Variants in CAMK4 observed in about 807,000 individuals in gnomAD.
CAMK4 encodes calcium/calmodulin-dependent protein kinase type IV.
In CAMK4, 22 loss-of-function variants were observed where a neutral mutation model predicts 44.9. That is an observed-to-expected ratio of 0.49 (90% confidence interval 0.35 to 0.70). The LOEUF is 0.70. Among genes scored for constraint, CAMK4 ranks in the 30% least tolerant of loss-of-function variants. The pLI is 0.01. For missense variants in CAMK4, 498 were observed against 586.8 expected (o/e 0.85, Z 1.56); for synonymous variants, 218 against 215.4 (o/e 1.01, Z -0.11).
At chr5:111,322,920 T>G (rs1748721621) in intron 1 of CAMK4, among the ~76,000 whole-genome samples, 1 of 151,998 alleles carries the variant, frequency 6.6e-6, no homozygotes, top group Non-Finnish European at 1.5e-5. Context: ...AATAGTGAAC[T>G]TGAAGACAAA....
intron 1 of CAMK4, among the ~76,000 whole-genome samples, chr5:111,288,347 A>T (rs973029270): frequency 6.6e-6 from 1 of 152,222 alleles, no homozygotes; most frequent in Non-Finnish European, 1.5e-5. Context: ...ATTGGTGCTC[A>T]TAGGGATGCA....
intron 1 of CAMK4, among the ~76,000 whole-genome samples, chr5:111,278,610 A>G (rs932849006): frequency 3.9e-5 from 6 of 152,236 alleles, no homozygotes; most frequent in Admixed American, 3.3e-4. Flanking sequence ...TGTGCAGTTC[A>G]AAAGTACCAG....
intron 1 of CAMK4, among the ~76,000 whole-genome samples, chr5:111,288,440 T>G (rs1484015739): frequency 6.6e-6 from 1 of 152,106 alleles, no homozygotes; most frequent in Non-Finnish European, 1.5e-5. Flanking sequence ...TGTATGAGAG[T>G]CTCCATTACC....
At chr5:111,441,494 G>T (rs1033350841) in intron 5 of CAMK4, among the ~76,000 whole-genome samples, 1 of 151,942 alleles carries the variant, frequency 6.6e-6, no homozygotes, top group Non-Finnish European at 1.5e-5. Context: ...TTTATTAAAG[G>T]TTAGCATTTG....
Position 111,394,730 on chromosome 5 carries a change from ACAGT to A in CAMK4, c.408_411del (p.Tyr136Ter). ...TCCAGGATTGTGGAAAAGGGATATTACAGTGAGCGAGATGCTGCAGATGCCGTTA... is the reference window on the plus strand; with the variant it reads ...TCCAGGATTGTGGAAAAGGGATATTAGAGCGAGATGCTGCAGATGCCGTTA... On this transcript the variant is annotated frameshift_variant, in exon 5 of 11. Coordinates refer to ENST00000282356, the MANE Select transcript of CAMK4 (RefSeq NM_001744.6). LOFTEE classifies it high-confidence loss of function. 6.2e-7 allele frequency: 1 copy of A among 1,612,766 alleles called. No homozygotes were observed. The highest frequency in any genetic ancestry group is 8.5e-7 in the Non-Finnish European group (1 of 1,179,018).
chr5:111,260,571 T>G (rs1488324183), intron 1 of CAMK4, among the ~76,000 whole-genome samples: 1 of 152,174 alleles, frequency 6.6e-6, no homozygotes, highest in East Asian at 1.9e-4. Context: ...TCCCTAGCTT[T>G]CTTCTGAGCT....
chr5:111,291,155 C>T (rs943716626), intron 1 of CAMK4, among the ~76,000 whole-genome samples: 2 of 151,900 alleles, frequency 1.3e-5, no homozygotes, highest in Non-Finnish European at 2.9e-5. Flanking sequence ...ATTATGTGTT[C>T]GAAAAATAAT....
chr5:111,249,958 A>G (rs1228166746), intron 1 of CAMK4, among the ~76,000 whole-genome samples: 4 of 152,080 alleles, frequency 2.6e-5, no homozygotes, highest in Non-Finnish European at 5.9e-5. Flanking sequence ...AATTCTCACA[A>G]TAACCTGCTA....
chr5:111,344,325 A>C (rs1452318000), intron 2 of CAMK4, among the ~76,000 whole-genome samples: 1 of 151,682 alleles, frequency 6.6e-6, no homozygotes, highest in Admixed American at 6.6e-5. Context: ...TGGGGAGAAG[A>C]TTGGCAAGGA....
At chr5:111,267,529 C>A (rs2112574372) in intron 1 of CAMK4, among the ~76,000 whole-genome samples, 1 of 151,822 alleles carries the variant, frequency 6.6e-6, no homozygotes, top group East Asian at 1.9e-4. Context: ...ACGGTGAAAC[C>A]CCGTCTCTAC....
chr5:111,281,377 C>G lies in CAMK4; in HGVS notation c.161+56733C>G, dbSNP rs138425264. 2.0e-5 allele frequency among the ~76,000 whole-genome samples: 3 copies of G among 152,282 alleles called. No individual in the cohort carries two copies. The East Asian group carries it at 5.8e-4, about 29-fold the overall frequency. ...AGAATAATGTTTTTCTTGCAACCCA[C>G]TTGTAAGTGATATAGTACATGGAAT... On this transcript the variant is annotated intron_variant, in intron 1 of 10. Transcript: ENST00000282356.
At chr5:111,446,576 C>A (rs3797739) in intron 5 of CAMK4, 110 bp from the exon 6 acceptor site, 462,630 of 625,856 alleles carry the variant, frequency 0.74, 174,892 homozygotes, top group Non-Finnish European at 0.8. Context: ...TTAAGTCATA[C>A]TATGTGTGTT....
intron 9 of CAMK4, among the ~76,000 whole-genome samples, chr5:111,481,278 A>C (rs536588322): frequency 2.8e-4 from 43 of 152,316 alleles, no homozygotes; most frequent in African/African-American, 1.0e-3. Context: ...AAATGTTGTA[A>C]GGATTAGGGC....
In CAMK4 at chr5:111,494,746, G is replaced by C. The variant is rs1158117821; in HGVS notation, c.*10280G>C. 6.6e-6 allele frequency: 1 copy of C among 152,128 alleles called. No homozygotes were observed. Among genetic ancestry groups the C allele is most frequent in the Non-Finnish European group, 1.5e-5 (1 of 68,014 alleles). The allele number at this position is 152,128 out of a possible 1,614,324, so 9.4% of individuals were successfully genotyped here. A position where few individuals can be genotyped will look rare whatever the true frequency, so the allele number is the denominator to read the frequency against. On this transcript the variant is annotated 3_prime_UTR_variant, in exon 11 of 11. Transcript: ENST00000282356. ...AAGACTAATTGTAGAAATTTGACCTGAGGGCCAATGTTACTTGGTGTAAGT... is the reference window on the plus strand; with the variant it reads ...AAGACTAATTGTAGAAATTTGACCTCAGGGCCAATGTTACTTGGTGTAAGT...
chr5:111,386,901 G>A (rs143360313), intron 4 of CAMK4, among the ~76,000 whole-genome samples: 2 of 152,326 alleles, frequency 1.3e-5, no homozygotes, highest in African/African-American at 4.8e-5. Context: ...GAGTCTCAGG[G>A]CAGCCTTTTG....
intron 2 of CAMK4, among the ~76,000 whole-genome samples, chr5:111,361,878 A>G (rs1248022127): frequency 6.6e-6 from 1 of 152,074 alleles, no homozygotes; most frequent in Non-Finnish European, 1.5e-5. Flanking sequence ...ATTTTTTAGA[A>G]TAACAATAAA....
chr5:111,394,817 A>G, intron 5 of CAMK4, 35 bp downstream of exon 5: 2 of 1,275,230 alleles, frequency 1.6e-6, no homozygotes, highest in Non-Finnish European at 2.3e-6. Context: ...TGTAACTCTT[A>G]GTCATCTCTT....
At chr5:111,408,340 A>C (rs1378112880) in intron 5 of CAMK4, among the ~76,000 whole-genome samples, 1 of 152,212 alleles carries the variant, frequency 6.6e-6, no homozygotes, top group African/African-American at 2.4e-5. Context: ...CCTCACCATC[A>C]TGGCAGAAGG....
chr5:111,267,927 C>T (rs1750336041), intron 1 of CAMK4, among the ~76,000 whole-genome samples: 1 of 152,094 alleles, frequency 6.6e-6, no homozygotes, highest in Non-Finnish European at 1.5e-5. Flanking sequence ...ATTTATTTGT[C>T]TGGGTAGCAA....
Sources: gnomAD v4.1 joint callset for allele counts (sites outside exome capture counted in the v4.1 genomes callset) on GRCh38, gnomAD v4.1.1 for gene constraint, MANE v1.5 for transcripts, NCBI Gene and HGNC (gene_info 2026-07-23, HGNC 2026-07-21) for gene names.